ATAD3A: variants seen among roughly 807,000 people sequenced by gnomAD.
The protein encoded by ATAD3A is ATPase family AAA domain-containing protein 3A.
ATAD3A carries 46 observed loss-of-function variants against 73.8 expected under a neutral mutation model. The observed-to-expected ratio is 0.62, with a 90% CI of 0.49 to 0.80. The LOEUF (loss-of-function observed/expected upper bound fraction) is 0.80, where lower values mean the gene tolerates loss of function less well. Ranked by LOEUF, ATAD3A falls within the 30% of genes least tolerant of loss-of-function variation. The pLI is 0.00. For synonymous variants in ATAD3A, 319 were observed against 350.0 expected, an observed-to-expected ratio of 0.91 and a Z score of 0.99; for missense variants, 705 against 838.0, an observed-to-expected ratio of 0.84 and a Z score of 1.96.
chr1:1,521,594 G>A (rs537342470), intron 7 of ATAD3A, among the ~76,000 whole-genome samples: 1 of 152,366 alleles, frequency 6.6e-6, no homozygotes, highest in East Asian at 1.9e-4. Flanking sequence ...AGCGCCTGCC[G>A]GTGGCCTGGT....
At chr1:1,525,476 C>A (rs984639852) in intron 12 of ATAD3A, among the ~76,000 whole-genome samples, 185 bp downstream of exon 12, 1 of 148,914 alleles carries the variant, frequency 6.7e-6, no homozygotes, top group Non-Finnish European at 1.5e-5. Flanking sequence ...GTGCAATGGC[C>A]CCATCTCGGC....
chr1:1,518,587 G>A (rs567261397), intron 4 of ATAD3A, among the ~76,000 whole-genome samples: 6 of 100,956 alleles, frequency 5.9e-5, no homozygotes, highest in Admixed American at 2.8e-4. Flanking sequence ...ACACACACCC[G>A]CACATGGGCA....
At chr1:1,529,843 C>G (rs1439454921) in intron 15 of ATAD3A, among the ~76,000 whole-genome samples, 3 of 152,196 alleles carry the variant, frequency 2.0e-5, no homozygotes, top group Non-Finnish European at 2.9e-5. Context: ...CGTGGCTGCT[C>G]CAGGGCTGAG....
chr1:1,527,604 G>C (rs1329333081), intron 13 of ATAD3A, 91 bp from the exon 14 acceptor site: 2 of 1,467,376 alleles, frequency 1.4e-6, no homozygotes, highest in Non-Finnish European at 1.8e-6. Context: ...GCCACTTTAG[G>C]TTCTCCCTGT....
At chr1:1,533,476 G>A (rs1392016183) in intron 15 of ATAD3A, among the ~76,000 whole-genome samples, 1 of 152,222 alleles carries the variant, frequency 6.6e-6, no homozygotes, top group Non-Finnish European at 1.5e-5. Context: ...GGTGGCCTTG[G>A]TGCCACCACT....
At position 1,530,844 on chromosome 1, in the gene ATAD3A, A is replaced by C. The variant is rs1457247828; in HGVS notation, c.1614+1513A>C. Among the ~76,000 whole-genome samples the C allele has an allele frequency of 2.2e-4, 22 of 99,930 alleles. 2 individuals carry two copies. The highest frequency in any genetic ancestry group is 3.2e-4 in the Admixed American group (3 of 9,484). The allele number at this position is 99,930 out of a possible 152,430, so 65.6% of individuals were successfully genotyped here. A position where few individuals can be genotyped will look rare whatever the true frequency, so the allele number is the denominator to read the frequency against. On this transcript the variant is annotated intron_variant, in intron 15 of 15. Coordinates refer to ENST00000378756, the MANE Select transcript of ATAD3A (RefSeq NM_001170535.3). ...ACTCCGTCTCAAAAAAAAAAAAAAA[A>C]AAAAAAAAAAACTAAGAATAATTTG...
At chr1:1,526,957 C>T (rs557979882) in intron 13 of ATAD3A, among the ~76,000 whole-genome samples, 6 of 152,210 alleles carry the variant, frequency 3.9e-5, no homozygotes, top group Admixed American at 6.5e-5. Context: ...TCCTGTGTGT[C>T]GGGGCGGAAC....
At position 1,523,376 on chromosome 1, in the gene ATAD3A, C is replaced by A; in HGVS notation, c.907-135C>A. 1 of 1,431,528 alleles carries A rather than the reference C, an allele frequency of 7.0e-7. No individual in the cohort carries two copies. The highest frequency in any genetic ancestry group is 9.5e-7 in the Non-Finnish European group (1 of 1,053,622). 88.7% of individuals were successfully genotyped at this position (1,431,528 alleles called of 1,614,324 possible). A position where few individuals can be genotyped will look rare whatever the true frequency, so the allele number is the denominator to read the frequency against. On this transcript the variant is annotated intron_variant, in intron 8 of 15. Coordinates refer to ENST00000378756, the MANE Select transcript of ATAD3A (RefSeq NM_001170535.3). This position sits in a 1 kb window ranked among gnomAD's most constrained non-coding sequence, Gnocchi z 5.1. ...CTGGTCTCCGGGCGGGGCAGGGTTC[C>A]AGCTCCGGGCCGGTCCTGGCTGTGC...
At chr1:1,531,935 G>C (rs1333806443) in intron 15 of ATAD3A, among the ~76,000 whole-genome samples, 1 of 151,820 alleles carries the variant, frequency 6.6e-6, no homozygotes, top group African/African-American at 2.4e-5. Flanking sequence ...ACAGGTGTGA[G>C]CCACCATGCA....
intron 14 of ATAD3A, 143 bp from the exon 15 acceptor site, chr1:1,529,080 T>C: frequency 7.7e-7 from 1 of 1,299,418 alleles, no homozygotes; most frequent in Non-Finnish European, 1.1e-6. Flanking sequence ...AGGGAGGATG[T>C]GGAGCTGGGC....
intron 11 of ATAD3A, among the ~76,000 whole-genome samples, chr1:1,524,819 G>A (rs1021437803): frequency 8.7e-5 from 13 of 149,966 alleles, no homozygotes; most frequent in South Asian, 4.3e-4. Flanking sequence ...CAGTGACCCC[G>A]CGCAGGGCAC....
chr1:1,530,057 T>C (rs1453161182), intron 15 of ATAD3A, among the ~76,000 whole-genome samples: 1 of 152,236 alleles, frequency 6.6e-6, no homozygotes, highest in Non-Finnish European at 1.5e-5. Flanking sequence ...GACAGCTTAA[T>C]GAAGCAGCCG....
rs533330368 is a variant in ATAD3A at position 1,523,423 on chromosome 1, C to T, written c.907-88C>T. ...GTGCTTTGGGGCAGCTCCGTTTCTG[C>T]GTGTTACCGAGCGTGTGTGTGCGCG... On this transcript the variant is annotated intron_variant, in intron 8 of 15. Coordinates refer to ENST00000378756, the MANE Select transcript of ATAD3A (RefSeq NM_001170535.3). The surrounding 1 kb of genome is among the most constrained non-coding windows in gnomAD (Gnocchi z 5.1). 412 of 1,543,846 alleles carry T rather than the reference C, an allele frequency of 2.7e-4. 2 individuals carry two copies. Among genetic ancestry groups the T allele is most frequent in the South Asian group, 1.1e-3 (97 of 84,726 alleles).
rs866761831 is a variant in ATAD3A at position 1,524,145 on chromosome 1, C to G, written c.1090-128C>G. Reference sequence around the variant, plus strand: ...CCCATCTTCCAGGCGGGGGACGTCTCCTGTCTGGCAGGCTGTGGCTTCCAG... The same window carrying G: ...CCCATCTTCCAGGCGGGGGACGTCTGCTGTCTGGCAGGCTGTGGCTTCCAG... On this transcript the variant is annotated intron_variant, in intron 10 of 15. Transcript: ENST00000378756. 5 of 1,545,792 alleles carry G rather than the reference C, an allele frequency of 3.2e-6. No individual in the cohort carries two copies. In the South Asian group the frequency reaches 4.8e-5, roughly 15 times the overall value.
rs768196243 is a variant in ATAD3A, at chr1:1,523,575, G to A, written c.963+8G>A. 1.8e-5 allele frequency: 29 copies of A among 1,612,624 alleles called. No homozygotes were observed. The highest frequency in any genetic ancestry group is 9.9e-5 in the South Asian group (9 of 91,000). The stretch of plus-strand genomic sequence containing the variant: ...GAGGGTGTTGTGCTCAGTGTAAGTC[G>A]GTGTGCCTGGGACCGGGGAGGCGCA... On this transcript the variant is annotated splice_region_variant and intron_variant, in intron 9 of 15. Coordinates refer to ENST00000378756, the MANE Select transcript of ATAD3A (RefSeq NM_001170535.3). The surrounding 1 kb of genome is among the most constrained non-coding windows in gnomAD (Gnocchi z 5.1).
At chr1:1,513,714 C>T (rs193069134) in intron 1 of ATAD3A, among the ~76,000 whole-genome samples, 2,048 of 152,172 alleles carry the variant, frequency 0.013, 26 homozygotes, top group Middle Eastern at 0.027. Context: ...CCCCGGGTGC[C>T]CCCTGCCCTG....
intron 4 of ATAD3A, among the ~76,000 whole-genome samples, chr1:1,518,363 C>A (rs1163721745): frequency 7.0e-6 from 1 of 143,726 alleles, no homozygotes; most frequent in African/African-American, 2.6e-5. Flanking sequence ...ACACACACAG[C>A]CCCACACACA....
chr1:1,524,584 G>A (rs1196947057), intron 11 of ATAD3A, among the ~76,000 whole-genome samples, 187 bp downstream of exon 11: 5 of 129,762 alleles, frequency 3.9e-5, no homozygotes, highest in African/African-American at 1.5e-4. Context: ...TGGTGGACAC[G>A]AGGCCCCCAG....
intron 2 of ATAD3A, chr1:1,517,002 G>C: frequency 7.5e-7 from 1 of 1,331,422 alleles, no homozygotes; most frequent in Non-Finnish European, 1.0e-6. Context: ...GAGAGCCGTC[G>C]CACCCGGTCC....
Sources: gnomAD v4.1 joint callset for allele counts (sites outside exome capture counted in the v4.1 genomes callset) on GRCh38, gnomAD v4.1.1 for gene constraint, Gnocchi (gnomAD v3.1) non-coding constraint, MANE v1.5 for transcripts, NCBI Gene and HGNC (gene_info 2026-07-23, HGNC 2026-07-21) for gene names.